IQSEC3: variants seen among roughly 807,000 people sequenced by gnomAD.
IQSEC3 encodes the protein IQ motif and SEC7 domain-containing protein 3.
Under a neutral mutation model 105.4 loss-of-function variants are expected in IQSEC3, and 50 were observed. The observed-to-expected ratio is 0.47, with a 90% CI of 0.38 to 0.60. The LOEUF (loss-of-function observed/expected upper bound fraction) is 0.60, where lower values mean the gene tolerates loss of function less well. Ranked by LOEUF, IQSEC3 falls within the 20% of genes least tolerant of loss-of-function variation. The pLI, the probability that IQSEC3 is intolerant of heterozygous loss-of-function variation, is 0.00. For synonymous variants in IQSEC3, 708 were observed against 746.0 expected (o/e 0.95, Z 0.83); for missense variants, 1,415 against 1,630.0 (o/e 0.87, Z 2.27).
At chr12:168,668 G>C (rs1373384094) in intron 11 of IQSEC3, among the ~76,000 whole-genome samples, 7 of 152,100 alleles carry the variant, frequency 4.6e-5, no homozygotes, top group African/African-American at 1.7e-4. Flanking sequence ...TCTCGAGTGA[G>C]GCATGGAGAG....
intron 2 of IQSEC3, among the ~76,000 whole-genome samples, chr12:112,142 C>G (rs1328431770): frequency 5.3e-5 from 8 of 152,152 alleles, no homozygotes; most frequent in Non-Finnish European, 1.0e-4. Flanking sequence ...GCAATCCTAG[C>G]TAGCTCAGGG....
At position 162,063 on chromosome 12, in the gene IQSEC3, A is replaced by T. The variant is rs782662417; in HGVS notation, c.2581A>T (p.Thr861Ser). 1 of 1,613,652 alleles carries T rather than the reference A, an allele frequency of 6.2e-7. No homozygotes were observed. The change falls in exon 8 of 14, where the codon ACA (threonine) becomes TCA (serine). Residue 861 changes from threonine to serine, a missense_variant and splice_region_variant. This residue lies in a region of IQSEC3 where 419 missense variants were observed against 436.2 expected (regional missense o/e 0.96). Coordinates refer to ENST00000538872, the MANE Select transcript of IQSEC3 (RefSeq NM_001170738.2). ...GGAGAAGTCCATTGTGGGCATGAAG[A>T]CAGTGAGTGTCCACAAGCTACCTAT... Reference protein sequence around the residue: ...KVEKSIVGMKTVLSVPHRRLV... With the variant: ...KVEKSIVGMKSVLSVPHRRLV...
chr12:127,891 A>G (rs1731433991), intron 3 of IQSEC3, among the ~76,000 whole-genome samples: 2 of 152,076 alleles, frequency 1.3e-5, no homozygotes, highest in South Asian at 4.1e-4. Context: ...ATTAGATCCC[A>G]TTTGTCAACT....
At chr12:143,604 G>T in intron 5 of IQSEC3, 1 of 171,778 alleles carries the variant, frequency 5.8e-6, no homozygotes, top group South Asian at 1.0e-4. Context: ...CAGTGCTGGG[G>T]TGCCAGAGTT....
At chr12:83,156 G>A (rs1054729087) in intron 1 of IQSEC3, among the ~76,000 whole-genome samples, 2 of 152,220 alleles carry the variant, frequency 1.3e-5, no homozygotes, top group Non-Finnish European at 2.9e-5. Context: ...GGAGAAAGGA[G>A]AGGAGGGCAG....
Position 165,413 on chromosome 12 carries a change from C to G in IQSEC3, c.2710-21C>G. 2.5e-6 allele frequency: 4 copies of G among 1,596,620 alleles called. No homozygotes were observed. The East Asian group carries it at 8.9e-5, about 36-fold the overall frequency. On this transcript the variant is annotated intron_variant, in intron 9 of 13. Coordinates refer to ENST00000538872, the MANE Select transcript of IQSEC3 (RefSeq NM_001170738.2). ...TGAGTGTCTGTTCATCAGGGCATGC[C>G]TGTTTCCCTCTCCTGAACAGATTCT...
chr12:78,754 C>T (rs1863645688), intron 1 of IQSEC3, among the ~76,000 whole-genome samples: 1 of 152,082 alleles, frequency 6.6e-6, no homozygotes, highest in Admixed American at 6.5e-5. Flanking sequence ...ATGGTACCAC[C>T]CTCCTGGGAT....
At position 147,402 on chromosome 12, in the gene IQSEC3, A is replaced by C. The variant is rs77196581; in HGVS notation, c.2153+6117A>C. ...CGACTCCGGGAGGGACGTGCTGCTA[A>C]TCTGTACCCAATGAAGGCACTGAGG... On this transcript the variant is annotated intron_variant, in intron 5 of 13. Coordinates refer to ENST00000538872, the MANE Select transcript of IQSEC3 (RefSeq NM_001170738.2). Among the ~76,000 whole-genome samples, 1,451 of 152,282 alleles carry C rather than the reference A, an allele frequency of 9.5e-3. 12 individuals carry two copies. Among genetic ancestry groups the C allele is most frequent in the Non-Finnish European group, 0.014 (979 of 68,018 alleles).
At chr12:71,067 C>T (rs1391838825) in intron 1 of IQSEC3, among the ~76,000 whole-genome samples, 2 of 152,270 alleles carry the variant, frequency 1.3e-5, no homozygotes, top group Admixed American at 6.5e-5. Flanking sequence ...CTACCCTTAT[C>T]CTTTAAACAC....
chr12:163,214 C>T (rs1555096894), intron 8 of IQSEC3, among the ~76,000 whole-genome samples: 2 of 91,208 alleles, frequency 2.2e-5, no homozygotes, highest in African/African-American at 8.6e-5. Flanking sequence ...TCCCCTCCCC[C>T]TCCACAGAAC....
intron 1 of IQSEC3, among the ~76,000 whole-genome samples, chr12:85,911 C>A (rs1245308319): frequency 3.3e-5 from 5 of 152,184 alleles, no homozygotes; most frequent in African/African-American, 1.2e-4. Context: ...TATATGTGCA[C>A]ACTTAATCCC....
rs782556205 is a variant in IQSEC3 at position 138,859 on chromosome 12, TCTC to T, written c.1504_1506del (p.Ser502del). ...CAGATCGCCAACCAGAACATATCCGTCTCCTCCTCCACGGCTCTGTCGGTGGCC... is the reference window on the plus strand; with the variant it reads ...CAGATCGCCAACCAGAACATATCCGTCTCCTCCACGGCTCTGTCGGTGGCC... On this transcript the variant is annotated inframe_deletion, in exon 4 of 14. Transcript: ENST00000538872. The surrounding 1 kb of genome is among the most constrained non-coding windows in gnomAD (Gnocchi z 7.1). 4 of 1,611,788 alleles carry T rather than the reference TCTC, an allele frequency of 2.5e-6. No homozygotes were observed. The highest frequency in any genetic ancestry group is 1.7e-5 in the Admixed American group (1 of 59,932).
At chr12:99,095 G>A (rs1591650064) in intron 1 of IQSEC3, 51 bp from the exon 2 acceptor site, 40 of 1,521,596 alleles carry the variant, frequency 2.6e-5, no homozygotes, top group East Asian at 4.6e-5. Context: ...CAGGCAGGGC[G>A]GGGACCCAGC....
At chr12:145,076 T>C (rs949813974) in intron 5 of IQSEC3, among the ~76,000 whole-genome samples, 4 of 152,212 alleles carry the variant, frequency 2.6e-5, no homozygotes, top group Non-Finnish European at 5.9e-5. Context: ...CACACAGTGC[T>C]CCCACCTCAG....
At chr12:129,998 T>G (rs1359088956) in intron 3 of IQSEC3, among the ~76,000 whole-genome samples, 1 of 152,048 alleles carries the variant, frequency 6.6e-6, no homozygotes, top group African/African-American at 2.4e-5. Flanking sequence ...ACGCTGAAAG[T>G]GAGATTTCTA....
chr12:155,834 G>A (rs539935076), intron 5 of IQSEC3, among the ~76,000 whole-genome samples: 41 of 152,290 alleles, frequency 2.7e-4, no homozygotes, highest in Admixed American at 1.6e-3. Context: ...GCAGTGCAGG[G>A]GCTGTGCCAT....
At chr12:117,403 G>A (rs1311443355) in intron 2 of IQSEC3, among the ~76,000 whole-genome samples, 1 of 152,252 alleles carries the variant, frequency 6.6e-6, no homozygotes, top group East Asian at 1.9e-4. Context: ...GATTCCGGGG[G>A]CAGTAAGATG....
chr12:138,341 C>T lies in IQSEC3; in HGVS notation c.978C>T (p.Phe326=). 6.2e-7 allele frequency: 1 copy of T among 1,613,866 alleles called. No homozygotes were observed. The highest frequency in any genetic ancestry group is 8.5e-7 in the Non-Finnish European group (1 of 1,180,036). Residue 326 remains phenylalanine (F), a synonymous_variant, in exon 4 of 14, where the codon TTC becomes TTT. Coordinates refer to ENST00000538872, the MANE Select transcript of IQSEC3 (RefSeq NM_001170738.2). This position sits in a 1 kb window ranked among gnomAD's most constrained non-coding sequence, Gnocchi z 7.1. ...RRAACTIQTA[F]RQYQLSKNFE... ...CCGCTTGCACCATCCAAACCGCCTT[C>T]CGCCAATACCAGCTCAGCAAGAACT... is the stretch of plus-strand genomic sequence containing the variant.
intron 2 of IQSEC3, among the ~76,000 whole-genome samples, chr12:123,612 T>C (rs1865288426): frequency 6.6e-6 from 1 of 151,252 alleles, no homozygotes; most frequent in Non-Finnish European, 1.5e-5. Flanking sequence ...TGCAGGAGAG[T>C]GCTGGGAGGG....
Sources: allele counts gnomAD v4.1 joint callset (sites outside exome capture counted in the v4.1 genomes callset), GRCh38; gene constraint gnomAD v4.1.1; regional missense constraint gnomAD v4.1.1; non-coding constraint Gnocchi (gnomAD v3.1); transcripts MANE v1.5; gene names NCBI Gene and HGNC (gene_info 2026-07-23, HGNC 2026-07-21).